KCNIP3: variants seen among roughly 807,000 people sequenced by gnomAD.
KCNIP3 encodes the protein potassium voltage-gated channel interacting protein 3.
KCNIP3 carries 28 observed loss-of-function variants against 35.0 expected under a neutral mutation model. The ratio of observed to expected loss-of-function variants is 0.80; its 90% confidence interval spans 0.59 to 1.10. KCNIP3 has a LOEUF of 1.10. KCNIP3 is among the 50% of genes least tolerant of loss of function. The pLI is 0.00. For synonymous variants in KCNIP3, 134 were observed against 133.8 expected (o/e 1.00, Z -0.01); for missense variants, 295 against 338.4 (o/e 0.87, Z 1.01).
intron 2 of KCNIP3, among the ~76,000 whole-genome samples, chr2:95,355,993 C>A (rs1679649401): frequency 6.6e-6 from 1 of 152,240 alleles, no homozygotes; most frequent in Non-Finnish European, 1.5e-5. Flanking sequence ...TTCTCCACAT[C>A]CTCTCTAGCA....
chr2:95,383,908 T>A, intron 8 of KCNIP3, 94 bp from the exon 9 acceptor site: 1 of 1,067,090 alleles, frequency 9.4e-7, no homozygotes, highest in Non-Finnish European at 1.5e-6. Context: ...AGGCAGTCGC[T>A]GCAGGCTCCG....
chr2:95,366,139 C>G (rs971158153), intron 2 of KCNIP3, among the ~76,000 whole-genome samples: 1 of 152,128 alleles, frequency 6.6e-6, no homozygotes, highest in African/African-American at 2.4e-5. Context: ...CACCACCACA[C>G]CGGGCACCTG....
intron 2 of KCNIP3, among the ~76,000 whole-genome samples, chr2:95,362,740 C>G (rs1384734656): frequency 6.6e-6 from 1 of 152,062 alleles, no homozygotes; most frequent in Non-Finnish European, 1.5e-5. Flanking sequence ...ACTTGCTCAC[C>G]TGCCGCCCAC....
At position 95,374,332 on chromosome 2, in the gene KCNIP3, G is replaced by A. The variant is rs370915474; in HGVS notation, c.218G>A (p.Arg73His). Reference protein sequence around the residue: ...SDSELELSTVRHQPEGLDQLQ... With the variant: ...SDSELELSTVHHQPEGLDQLQ... ...AGTGAGCTGGAGCTGTCCACGGTGC[G>A]CCACCAGCCAGAGGGGCTGGACCAG... Residue 73 changes from arginine to histidine, a missense_variant, in exon 3 of 9, where the codon CGC (arginine) becomes CAC (histidine). Transcript: ENST00000295225. The A allele has an allele frequency of 1.1e-5, 17 of 1,614,106 alleles. No homozygotes were observed. Among genetic ancestry groups the A allele is most frequent in the South Asian group, 7.7e-5 (7 of 91,082 alleles).
At chr2:95,366,552 G>A (rs1679921585) in intron 2 of KCNIP3, among the ~76,000 whole-genome samples, 1 of 152,132 alleles carries the variant, frequency 6.6e-6, no homozygotes, top group Admixed American at 6.5e-5. Flanking sequence ...AACCAGAAAT[G>A]GGATTGCTGG....
intron 2 of KCNIP3, among the ~76,000 whole-genome samples, chr2:95,329,120 T>G (rs992025768): frequency 6.6e-6 from 1 of 152,142 alleles, no homozygotes; most frequent in Non-Finnish European, 1.5e-5. Context: ...AGAGAAGAAA[T>G]TGTCTCTTTG....
chr2:95,320,406 G>A (rs575687006), intron 2 of KCNIP3, among the ~76,000 whole-genome samples: 5 of 152,200 alleles, frequency 3.3e-5, no homozygotes, highest in African/African-American at 4.8e-5. Flanking sequence ...TGGAGGGGTC[G>A]GGGAGGAGGA....
rs548633908 is a variant in KCNIP3, at chr2:95,327,136, C to T, written c.181+16616C>T. 3.9e-5 allele frequency among the ~76,000 whole-genome samples: 6 copies of T among 152,318 alleles called. No individual in the cohort carries two copies. In the South Asian group the frequency reaches 1.2e-3, roughly 32 times the overall value. On this transcript the variant is annotated intron_variant, in intron 2 of 8. Coordinates refer to ENST00000295225, the MANE Select transcript of KCNIP3 (RefSeq NM_013434.5). ...CGGAACAAGGAAGGCTTGAGTAGGT[C>T]ACCACCTAGCTCCATTCTAGGAACC...
At chr2:95,352,464 C>T (rs565774437) in intron 2 of KCNIP3, among the ~76,000 whole-genome samples, 20 of 151,990 alleles carry the variant, frequency 1.3e-4, no homozygotes, top group Non-Finnish European at 2.4e-4. Flanking sequence ...TTGTGGACCC[C>T]GAATATCCAG....
At chr2:95,305,336 T>C (rs1400545232) in intron 1 of KCNIP3, among the ~76,000 whole-genome samples, 2 of 152,246 alleles carry the variant, frequency 1.3e-5, no homozygotes, top group African/African-American at 2.4e-5. Context: ...GAAATCTTTA[T>C]TGAGCTCGTT....
At chr2:95,357,519 C>A (rs925294181) in intron 2 of KCNIP3, among the ~76,000 whole-genome samples, 1 of 152,132 alleles carries the variant, frequency 6.6e-6, no homozygotes, top group African/African-American at 2.4e-5. Context: ...AGAGGCTGGA[C>A]CCCTGGGGCG....
chr2:95,324,387 G>A (rs1416405533), intron 2 of KCNIP3, among the ~76,000 whole-genome samples: 4 of 151,900 alleles, frequency 2.6e-5, no homozygotes, highest in East Asian at 1.9e-4. Context: ...GGTGGCGGGC[G>A]CCTGTAGTCA....
intron 2 of KCNIP3, among the ~76,000 whole-genome samples, chr2:95,355,512 C>T (rs1279739530): frequency 1.3e-5 from 2 of 152,140 alleles, no homozygotes; most frequent in Admixed American, 1.3e-4. Context: ...CAGCCTCCAA[C>T]AGGCCCTGAT....
At chr2:95,346,869 C>T in intron 2 of KCNIP3, 1 of 303,158 alleles carries the variant, frequency 3.3e-6, no homozygotes, top group Non-Finnish European at 5.8e-6. Flanking sequence ...GGCCCCGGCC[C>T]AGCCAACCCA....
chr2:95,326,689 A>AG (rs1337871851), intron 2 of KCNIP3, among the ~76,000 whole-genome samples: 1 of 152,212 alleles, frequency 6.6e-6, no homozygotes, highest in Non-Finnish European at 1.5e-5. Context: ...CACCTGGCCC[A>AG]GGGGCAGCTT....
At chr2:95,298,766 T>C (rs1677943025) in intron 1 of KCNIP3, 1 of 152,278 alleles carries the variant, frequency 6.6e-6, no homozygotes, top group Non-Finnish European at 1.5e-5. Flanking sequence ...CCTTCTCTCC[T>C]GTCACCTCAA....
chr2:95,369,368 T>A (rs1191222673), intron 2 of KCNIP3, among the ~76,000 whole-genome samples: 1 of 152,238 alleles, frequency 6.6e-6, no homozygotes, highest in Non-Finnish European at 1.5e-5. Context: ...GCTAATATTT[T>A]GTTGAGAAAT....
At chr2:95,326,778 C>G (rs1678806222) in intron 2 of KCNIP3, among the ~76,000 whole-genome samples, 2 of 152,250 alleles carry the variant, frequency 1.3e-5, no homozygotes, top group Non-Finnish European at 2.9e-5. Context: ...TCCAAATGCA[C>G]CTCGGCCTAC....
At chr2:95,352,048 A>G (rs555373713) in intron 2 of KCNIP3, among the ~76,000 whole-genome samples, 1 of 152,258 alleles carries the variant, frequency 6.6e-6, no homozygotes. Context: ...AGATCACTTG[A>G]GGTCAGGAGT....
Sources: allele counts gnomAD v4.1 joint callset (sites outside exome capture counted in the v4.1 genomes callset), GRCh38; gene constraint gnomAD v4.1.1; transcripts MANE v1.5; gene names NCBI Gene and HGNC (gene_info 2026-07-23, HGNC 2026-07-21).